TNN: variants seen among roughly 807,000 people sequenced by gnomAD.
TNN encodes tenascin N, also known as tenascin-N.
In TNN, 122 loss-of-function variants were observed where a neutral mutation model predicts 134.4. That is an observed-to-expected ratio of 0.91 (90% confidence interval 0.78 to 1.06). TNN has a LOEUF of 1.06. Among genes scored for constraint, TNN ranks in the 50% least tolerant of loss-of-function variants. The probability of loss-of-function intolerance (pLI) is 0.00; values close to 1 mark genes in which losing one functional copy is unlikely to be tolerated. For missense variants in TNN, 1,739 were observed against 1,699.4 expected (o/e 1.02, Z -0.41); for synonymous variants, 710 against 670.3 (o/e 1.06, Z -0.91).
At chr1:175,087,671 C>A (rs1353625865) in intron 6 of TNN, among the ~76,000 whole-genome samples, 1 of 152,190 alleles carries the variant, frequency 6.6e-6, no homozygotes, top group Non-Finnish European at 1.5e-5. Flanking sequence ...CCATCGGACA[C>A]AAACTGGATG....
rs557636839 is a variant in TNN at position 175,108,362 on chromosome 1, G to A, written c.2120-8577G>A. ...TGAGCTAGATATAAAGACTCTCCACGTCCCCACCAGACCAGGAGCCCAGCT... is the reference window on the plus strand; with the variant it reads ...TGAGCTAGATATAAAGACTCTCCACATCCCCACCAGACCAGGAGCCCAGCT... On this transcript the variant is annotated intron_variant, in intron 9 of 18. Transcript: ENST00000239462. 3.3e-5 allele frequency among the ~76,000 whole-genome samples: 5 copies of A among 152,322 alleles called. No homozygotes were observed. The South Asian group carries it at 6.2e-4, about 19-fold the overall frequency.
intron 7 of TNN, among the ~76,000 whole-genome samples, chr1:175,095,416 C>T (rs1325690877): frequency 2.0e-5 from 3 of 152,100 alleles, no homozygotes; most frequent in African/African-American, 7.2e-5. Flanking sequence ...TGACTGTGTT[C>T]CGATAAGACT....
intron 7 of TNN, among the ~76,000 whole-genome samples, chr1:175,096,424 A>C (rs1161598140): frequency 6.6e-6 from 1 of 152,150 alleles, no homozygotes; most frequent in Non-Finnish European, 1.5e-5. Flanking sequence ...TGCATGCTGA[A>C]CTTTGCTCCC....
At chr1:175,091,126 A>G (rs1674435431) in intron 6 of TNN, among the ~76,000 whole-genome samples, 1 of 152,284 alleles carries the variant, frequency 6.6e-6, no homozygotes, top group Admixed American at 6.5e-5. Context: ...GTGGCCTATC[A>G]TGGAGGTCCC....
chr1:175,113,283 CTT>C (rs1190635219), intron 9 of TNN, among the ~76,000 whole-genome samples: 3 of 152,152 alleles, frequency 2.0e-5, no homozygotes, highest in Non-Finnish European at 4.4e-5. Context: ...CTGGGAAAGA[CTT>C]TGTTTCTCCC....
chr1:175,142,012 CA>C (rs553449865), intron 17 of TNN, among the ~76,000 whole-genome samples: 2 of 152,220 alleles, frequency 1.3e-5, no homozygotes, highest in Non-Finnish European at 2.9e-5. Flanking sequence ...TCTTAGAAAG[CA>C]GCCCTGGGAA....
At chr1:175,127,962 G>A in intron 13 of TNN, 70 bp from the exon 14 acceptor site, 1 of 1,575,474 alleles carries the variant, frequency 6.3e-7, no homozygotes, top group Admixed American at 1.7e-5. Flanking sequence ...AGGGAACGCT[G>A]TTGACACCTA....
In TNN at chr1:175,098,556, G is replaced by A; in HGVS notation, c.2080G>A (p.Asp694Asn). 1.9e-6 allele frequency: 3 copies of A among 1,614,132 alleles called. No individual in the cohort carries two copies. Residue 694 changes from aspartate (D) to asparagine (N), a missense_variant, in exon 9 of 19, where the codon GAC (aspartate) becomes AAC (asparagine). Physicochemically the swap from Asp to Asn is conservative, Grantham distance 23 (BLOSUM62 1). Transcript: ENST00000239462. ...GGTGCACGTGTGGGCCCAGAAGGGG[G>A]ACCAGGAGAGCAAGAAGGCCGACAC... The part of the protein sequence containing the change: ...YMVHVWAQKG[D>N]QESKKADTKA...
At chr1:175,145,716 C>CCCAGGGGT (rs1303523403) in intron 18 of TNN, among the ~76,000 whole-genome samples, 1 of 151,962 alleles carries the variant, frequency 6.6e-6, no homozygotes, top group Non-Finnish European at 1.5e-5. Flanking sequence ...GCGCCCAGGG[C>CCCAGGGGT]CCAGGGGTCC....
At chr1:175,144,584 G>C in intron 18 of TNN, 34 bp downstream of exon 18, 1 of 1,607,048 alleles carries the variant, frequency 6.2e-7, no homozygotes, top group Non-Finnish European at 8.5e-7. Flanking sequence ...TCTGTCCCAG[G>C]GTATGTCCAT....
At chr1:175,143,242 A>C (rs989060143) in intron 17 of TNN, among the ~76,000 whole-genome samples, 5 of 152,244 alleles carry the variant, frequency 3.3e-5, no homozygotes, top group African/African-American at 4.8e-5. Flanking sequence ...ATGAGAATGC[A>C]CATGCGAAGA....
At chr1:175,115,696 G>A (rs758444772) in intron 9 of TNN, among the ~76,000 whole-genome samples, 223 of 152,250 alleles carry the variant, frequency 1.5e-3, no homozygotes, top group Non-Finnish European at 2.7e-3. Flanking sequence ...TAGTACAATA[G>A]CCATGCAGGC....
At chr1:175,110,841 G>A (rs548414115) in intron 9 of TNN, among the ~76,000 whole-genome samples, 88 of 152,226 alleles carry the variant, frequency 5.8e-4, no homozygotes, top group African/African-American at 2.1e-3. Context: ...GATTTCTTTG[G>A]CTATTTGGGG....
At chr1:175,128,572 C>T (rs2101844933) in intron 14 of TNN, 23 bp from the exon 15 acceptor site, 1 of 1,599,622 alleles carries the variant, frequency 6.3e-7, no homozygotes, top group Middle Eastern at 1.7e-4. Context: ...GTCCTAACAA[C>T]ACTCTCTCTG....
At chr1:175,138,347 C>T (rs758172854) in intron 17 of TNN, among the ~76,000 whole-genome samples, 6 of 152,178 alleles carry the variant, frequency 3.9e-5, no homozygotes, top group Non-Finnish European at 4.4e-5. Context: ...AAATTGCTAG[C>T]AGGACTTTTC....
chr1:175,147,802 G>A lies in TNN; in HGVS notation c.*731G>A, dbSNP rs1301373156. ...AATAATTTGACTGTCTTGATAATTG[G>A]TTCCTCCCAAAGACTCTTCTGCAAC... On this transcript the variant is annotated 3_prime_UTR_variant, in exon 19 of 19. Transcript: ENST00000239462. The A allele has an allele frequency of 1.3e-5, 2 of 152,078 alleles. No individual in the cohort carries two copies. Among genetic ancestry groups the A allele is most frequent in the Non-Finnish European group, 1.5e-5 (1 of 68,020 alleles). 9.4% of individuals were successfully genotyped at this position (152,078 alleles called of 1,614,324 possible).
intron 17 of TNN, among the ~76,000 whole-genome samples, chr1:175,143,313 T>A (rs867220024): frequency 4.2e-4 from 64 of 152,288 alleles, no homozygotes; most frequent in African/African-American, 1.5e-3. Context: ...GAACAGAGCT[T>A]GATGAAGCTT....
chr1:175,144,127 C>G (rs1363964591), intron 17 of TNN, among the ~76,000 whole-genome samples: 1 of 152,114 alleles, frequency 6.6e-6, no homozygotes, highest in African/African-American at 2.4e-5. Flanking sequence ...TTTGATCTGA[C>G]TGTGGAGCTT....
At chr1:175,145,798 T>G (rs1325587978) in intron 18 of TNN, among the ~76,000 whole-genome samples, 1 of 152,038 alleles carries the variant, frequency 6.6e-6, no homozygotes, top group Non-Finnish European at 1.5e-5. Context: ...TCTGCCCCAG[T>G]GCATCATCCT....
Sources: allele counts gnomAD v4.1 joint callset (sites outside exome capture counted in the v4.1 genomes callset), GRCh38; gene constraint gnomAD v4.1.1; transcripts MANE v1.5; gene names NCBI Gene and HGNC (gene_info 2026-07-23, HGNC 2026-07-21).